The following MID2 variants were observed in gnomAD, a reference collection of about 807,000 sequenced individuals.
MID2 encodes the protein midline 2.
MID2 carries 13 observed loss-of-function variants against 46.1 expected under a neutral mutation model. That is an observed-to-expected ratio of 0.28 (90% CI 0.18 to 0.45). The LOEUF is 0.45. Ranked by LOEUF, MID2 falls within the 20% of genes least tolerant of loss-of-function variation. The pLI, the probability that MID2 is intolerant of heterozygous loss-of-function variation, is 1.00. For missense variants in MID2, 431 were observed against 575.4 expected (o/e 0.75, Z 2.57); for synonymous variants, 199 against 212.3 (o/e 0.94, Z 0.55).
chrX:107,841,467 T>A, intron 2 of MID2, 82 bp downstream of exon 2: 1 of 710,647 alleles, frequency 1.4e-6, no homozygotes, highest in South Asian at 2.7e-5. Flanking sequence ...TAGGTGACTT[T>A]TCCTATATGA....
At chrX:107,906,133 T>C (rs1176962593) in intron 5 of MID2, among the ~76,000 whole-genome samples, 1 of 111,837 alleles carries the variant, frequency 8.9e-6, no homozygotes, top group Non-Finnish European at 1.9e-5. Context: ...TAATTTTCTA[T>C]ACTATTTCAG....
chrX:107,912,730 C>A (rs1235444272), intron 5 of MID2, among the ~76,000 whole-genome samples: 1 of 111,187 alleles, frequency 9.0e-6, no homozygotes, highest in Non-Finnish European at 1.9e-5. Flanking sequence ...TGATTCCCAA[C>A]TCTTTATCTG....
At chrX:107,920,577 A>G (rs1933053071) in intron 7 of MID2, among the ~76,000 whole-genome samples, 1 of 111,724 alleles carries the variant, frequency 9.0e-6, no homozygotes, top group Admixed American at 9.5e-5. Flanking sequence ...ACTCTCTACC[A>G]CACATTTACA....
At chrX:107,851,753 C>T (rs1162231222) in intron 2 of MID2, among the ~76,000 whole-genome samples, 1 of 111,637 alleles carries the variant, frequency 9.0e-6, no homozygotes, top group Admixed American at 9.5e-5. Context: ...ACTTTGGTCT[C>T]CATTTCCAGC....
At chrX:107,852,235 G>A (rs965429091) in intron 2 of MID2, among the ~76,000 whole-genome samples, 21 of 111,614 alleles carry the variant, frequency 1.9e-4, no homozygotes, top group Middle Eastern at 4.6e-3. Flanking sequence ...CCTTGTGCCC[G>A]GAACATCCTG....
intron 2 of MID2, among the ~76,000 whole-genome samples, chrX:107,849,677 T>A (rs1038349007): frequency 4.5e-5 from 5 of 112,259 alleles, no homozygotes; most frequent in Non-Finnish European, 9.4e-5. Context: ...CAGTGTAGAC[T>A]GCCAATTTAG....
At chrX:107,890,727 A>G (rs1485663815) in intron 3 of MID2, among the ~76,000 whole-genome samples, 1 of 111,872 alleles carries the variant, frequency 8.9e-6, no homozygotes, top group African/African-American at 3.2e-5. Flanking sequence ...TGGAGTCTAC[A>G]GAGGCAGGCA....
At chrX:107,845,535 T>A (rs1236427795) in intron 2 of MID2, among the ~76,000 whole-genome samples, 7 of 106,341 alleles carry the variant, frequency 6.6e-5, no homozygotes, top group East Asian at 2.9e-4. Flanking sequence ...ACTCTCTCTC[T>A]CTCTCTCTCT....
chrX:107,890,569 A>T (rs1470147627), intron 3 of MID2, among the ~76,000 whole-genome samples: 1 of 111,923 alleles, frequency 8.9e-6, no homozygotes, highest in African/African-American at 3.3e-5. Flanking sequence ...GGGGTTAGGG[A>T]TCCACTTGAA....
intron 3 of MID2, among the ~76,000 whole-genome samples, chrX:107,871,536 A>G (rs983570848): frequency 8.0e-5 from 9 of 111,971 alleles, no homozygotes; most frequent in African/African-American, 2.9e-4. Context: ...GTGGAGGGTC[A>G]GTGTGACGGC....
At chrX:107,910,319 A>G (rs752792570) in intron 5 of MID2, among the ~76,000 whole-genome samples, 1 of 112,316 alleles carries the variant, frequency 8.9e-6, no homozygotes, top group Non-Finnish European at 1.9e-5. Flanking sequence ...GCTGTCAAGG[A>G]TAACAGGATT....
chrX:107,827,636 C>A (rs1930984848), intron 1 of MID2, among the ~76,000 whole-genome samples: 1 of 110,833 alleles, frequency 9.0e-6, no homozygotes, highest in Non-Finnish European at 1.9e-5. Context: ...AGTTCTCTGG[C>A]AATATTCCAA....
intron 2 of MID2, among the ~76,000 whole-genome samples, chrX:107,849,383 C>T (rs756701566): frequency 4.5e-5 from 5 of 110,456 alleles, no homozygotes; most frequent in African/African-American, 9.9e-5. Flanking sequence ...TAATCTACCT[C>T]GCTTTAATAA....
intron 5 of MID2, among the ~76,000 whole-genome samples, chrX:107,906,379 G>A (rs1932835586): frequency 9.0e-6 from 1 of 110,962 alleles, no homozygotes; most frequent in African/African-American, 3.3e-5. Flanking sequence ...ACAACCACAT[G>A]GCTGACTCAT....
intron 7 of MID2, among the ~76,000 whole-genome samples, chrX:107,922,430 G>T (rs1933089583): frequency 8.9e-6 from 1 of 111,838 alleles, no homozygotes; most frequent in Admixed American, 9.5e-5. Context: ...TTCAGCTTTA[G>T]TCCCCAATTT....
intron 1 of MID2, among the ~76,000 whole-genome samples, chrX:107,829,337 A>G (rs1357858617): frequency 1.8e-5 from 2 of 112,160 alleles, no homozygotes; most frequent in Middle Eastern, 4.6e-3. Context: ...TTTCTCCAAT[A>G]CATGTTCAAC....
At chrX:107,918,703 G>A (rs758347349) in intron 7 of MID2, among the ~76,000 whole-genome samples, 2 of 111,571 alleles carry the variant, frequency 1.8e-5, no homozygotes, top group African/African-American at 6.5e-5. Flanking sequence ...CTATGTTCCT[G>A]GGTGTTTCTT....
intron 3 of MID2, among the ~76,000 whole-genome samples, chrX:107,879,915 T>C (rs761634466): frequency 4.6e-5 from 5 of 109,712 alleles, no homozygotes; most frequent in African/African-American, 6.6e-5. Flanking sequence ...GTAACTATTA[T>C]ATTGATGTAT....
At chrX:107,847,024 G>A (rs774362034) in intron 2 of MID2, among the ~76,000 whole-genome samples, 3 of 111,996 alleles carry the variant, frequency 2.7e-5, no homozygotes, top group African/African-American at 9.7e-5. Context: ...GAGGTTTAAA[G>A]GGAAAAATGT....
Sources: allele counts gnomAD v4.1 joint callset (sites outside exome capture counted in the v4.1 genomes callset), GRCh38; gene constraint gnomAD v4.1.1; transcripts MANE v1.5; gene names NCBI Gene and HGNC (gene_info 2026-07-23, HGNC 2026-07-21).